The following EIF2B3 variants were observed in gnomAD, a reference collection of about 807,000 sequenced individuals.
The protein encoded by EIF2B3 is eukaryotic translation initiation factor 2B subunit gamma, also known as translation initiation factor eIF2B subunit gamma.
Under a neutral mutation model 54.1 loss-of-function variants are expected in EIF2B3, and 20 were observed. The observed-to-expected ratio is 0.37, with a 90% CI of 0.26 to 0.54. EIF2B3 has a LOEUF of 0.54. Among genes scored for constraint, EIF2B3 ranks in the 20% least tolerant of loss-of-function variants. The pLI is 0.86. For missense variants in EIF2B3, 448 were observed against 547.8 expected (o/e 0.82, Z 1.82); for synonymous variants, 153 against 188.1 (o/e 0.81, Z 1.52).
intron 3 of EIF2B3, among the ~76,000 whole-genome samples, chr1:44,972,262 C>CAT (rs797013582): frequency 4.7e-5 from 5 of 106,892 alleles, no homozygotes; most frequent in African/African-American, 1.8e-4. Context: ...CACACACACA[C>CAT]ACACATATAC....
chr1:44,870,212 A>G (rs1157367791), intron 10 of EIF2B3, among the ~76,000 whole-genome samples: 2 of 150,504 alleles, frequency 1.3e-5, no homozygotes, highest in Non-Finnish European at 3.0e-5. Context: ...GAGAGAGAAT[A>G]TCACACGAAT....
chr1:44,982,057 C>T (rs1477971413), intron 1 of EIF2B3, among the ~76,000 whole-genome samples: 2 of 151,786 alleles, frequency 1.3e-5, no homozygotes, highest in Non-Finnish European at 2.9e-5. Flanking sequence ...TGACTTAAGA[C>T]TCCTCCAATA....
Position 44,881,811 on chromosome 1 carries a change from A to T in EIF2B3, c.657-72T>A, listed in dbSNP as rs1170491231. 5 of 1,593,902 alleles carry T rather than the reference A, an allele frequency of 3.1e-6. No individual in the cohort carries two copies. The highest frequency in any genetic ancestry group is 4.3e-6 in the Non-Finnish European group (5 of 1,167,800). ...CATACCCGGATCAAAAGCTCTGTGC[A>T]TACAAGGAAAAGCCAAATCCTTTCC... On this transcript the variant is annotated intron_variant, in intron 6 of 11. Transcript: ENST00000360403. The surrounding 1 kb of genome is among the most constrained non-coding windows in gnomAD (Gnocchi z 4.0).
At chr1:44,947,286 A>G (rs1644113338) in intron 3 of EIF2B3, among the ~76,000 whole-genome samples, 1 of 152,218 alleles carries the variant, frequency 6.6e-6, no homozygotes, top group Non-Finnish European at 1.5e-5. Flanking sequence ...TTTAGTGTTT[A>G]AAGTGTCCAA....
chr1:44,980,766 C>T (rs1644503158), intron 2 of EIF2B3, among the ~76,000 whole-genome samples: 1 of 152,106 alleles, frequency 6.6e-6, no homozygotes, highest in Admixed American at 6.6e-5. Context: ...TTAAGAGTCT[C>T]AATCTGCTCT....
In EIF2B3 at chr1:44,921,027, C is replaced by CT. The variant is rs551450056; in HGVS notation, c.566+5600dup. On this transcript the variant is annotated intron_variant, in intron 5 of 11. Transcript: ENST00000360403. ...CCATAAACAGTATATGAGAGTTCCC[C>CT]TTTCTCTACAACCTTGCCAGCATTT... Among the ~76,000 whole-genome samples the CT allele has an allele frequency of 4.2e-3, 633 of 152,254 alleles. 2 individuals carry two copies. Among genetic ancestry groups the CT allele is most frequent in the Non-Finnish European group, 7.5e-3 (510 of 68,002 alleles).
At chr1:44,938,763 G>A (rs1227176518) in intron 4 of EIF2B3, among the ~76,000 whole-genome samples, 1 of 151,982 alleles carries the variant, frequency 6.6e-6, no homozygotes, top group Non-Finnish European at 1.5e-5. Flanking sequence ...CTAGGATTAC[G>A]GTCCTGAGCC....
chr1:44,885,901 ATTTT>A (rs57544990), intron 6 of EIF2B3, among the ~76,000 whole-genome samples: 2 of 133,208 alleles, frequency 1.5e-5, no homozygotes, highest in African/African-American at 2.9e-5. Flanking sequence ...CGCTTGGCTA[ATTTT>A]TTTTTTTTTT....
intron 3 of EIF2B3, among the ~76,000 whole-genome samples, chr1:44,975,866 G>T (rs1213662320): frequency 6.6e-6 from 1 of 152,126 alleles, no homozygotes; most frequent in Non-Finnish European, 1.5e-5. Flanking sequence ...CTACTCAGGA[G>T]GCTGAGGCAC....
chr1:44,976,495 G>GT (rs1204107857), intron 3 of EIF2B3, among the ~76,000 whole-genome samples: 4 of 152,318 alleles, frequency 2.6e-5, no homozygotes, highest in African/African-American at 9.6e-5. Context: ...CTTACAAACT[G>GT]TTGATGAAAG....
intron 5 of EIF2B3, among the ~76,000 whole-genome samples, chr1:44,911,952 C>T (rs1033051282): frequency 5.4e-5 from 8 of 149,082 alleles, no homozygotes; most frequent in Non-Finnish European, 1.0e-4. Flanking sequence ...TGAGAACATG[C>T]GGTGTTTGGT....
At chr1:44,926,595 A>G in intron 5 of EIF2B3, 33 bp downstream of exon 5, 1 of 1,561,216 alleles carries the variant, frequency 6.4e-7, no homozygotes, top group Non-Finnish European at 8.8e-7. Flanking sequence ...TAAGACAAGG[A>G]GAATTGCCAG....
intron 5 of EIF2B3, among the ~76,000 whole-genome samples, chr1:44,909,318 G>A (rs1643470630): frequency 6.6e-6 from 1 of 150,584 alleles, no homozygotes; most frequent in Admixed American, 6.6e-5. Context: ...TGTCAGTACA[G>A]ATTTTTTTTT....
intron 3 of EIF2B3, among the ~76,000 whole-genome samples, chr1:44,968,628 G>A (rs1644369101): frequency 1.3e-5 from 2 of 152,172 alleles, no homozygotes; most frequent in African/African-American, 2.4e-5. Context: ...GGCCGGTGCA[G>A]TGGCTCACGC....
intron 3 of EIF2B3, among the ~76,000 whole-genome samples, chr1:44,972,232 T>TAC (rs201511100): frequency 1.6e-4 from 19 of 121,832 alleles, no homozygotes; most frequent in South Asian, 5.2e-4. Flanking sequence ...TAAAAAAAAA[T>TAC]ACACACACAC....
At chr1:44,961,308 C>A (rs973442279) in intron 3 of EIF2B3, among the ~76,000 whole-genome samples, 2 of 143,218 alleles carry the variant, frequency 1.4e-5, no homozygotes, top group East Asian at 3.9e-4. Flanking sequence ...CAGAGTGAGA[C>A]CCTGTCTCAA....
At chr1:44,919,883 CTT>C (rs1194645004) in intron 5 of EIF2B3, among the ~76,000 whole-genome samples, 1,477 of 117,190 alleles carry the variant, frequency 0.013, 41 homozygotes, top group African/African-American at 0.042. Flanking sequence ...TGCCTGGCTA[CTT>C]TTTTTTTTTT....
chr1:44,881,374 A>G lies in EIF2B3; in HGVS notation c.784+238T>C, dbSNP rs1306547938. Among the ~76,000 whole-genome samples the G allele has an allele frequency of 6.6e-6, 1 of 152,236 alleles. No homozygotes were observed. The highest frequency in any genetic ancestry group is 2.4e-5 in the African/African-American group (1 of 41,466). On this transcript the variant is annotated intron_variant, in intron 7 of 11. Transcript: ENST00000360403. The surrounding 1 kb of genome is among the most constrained non-coding windows in gnomAD (Gnocchi z 4.0). ...TGAGGAACACAGCCAAACCAGAGCT[A>G]TGAATCAGAGAATGGGGCTGGAGGC... is the stretch of plus-strand genomic sequence containing the variant.
chr1:44,897,390 C>A lies in EIF2B3; in HGVS notation c.621G>T (p.Leu207Phe). The stretch of plus-strand genomic sequence containing the variant: ...TTAGGAAATCCACGATGTATTTTTT[C>A]AAACAGTAGAGGTGGGCATCCACAA... ...TGLVDAHLYC[L>F]KKYIVDFLME... Residue 207 changes from leucine (L) to phenylalanine (F), a missense_variant, in exon 6 of 12, where the codon TTG (leucine) becomes TTT (phenylalanine). Transcript: ENST00000360403. 1 of 1,613,482 alleles carries A rather than the reference C, an allele frequency of 6.2e-7. No homozygotes were observed. The highest frequency in any genetic ancestry group is 8.5e-7 in the Non-Finnish European group (1 of 1,179,780).
Sources: gnomAD v4.1 joint callset for allele counts (sites outside exome capture counted in the v4.1 genomes callset) on GRCh38, gnomAD v4.1.1 for gene constraint, Gnocchi (gnomAD v3.1) non-coding constraint, MANE v1.5 for transcripts, NCBI Gene and HGNC (gene_info 2026-07-23, HGNC 2026-07-21) for gene names.